SORL1: variants seen among roughly 807,000 people sequenced by gnomAD.
The protein encoded by SORL1 is sortilin-related receptor.
SORL1 carries 127 observed loss-of-function variants against 273.7 expected under a neutral mutation model. That is an observed-to-expected ratio of 0.46 (90% CI 0.40 to 0.54). The LOEUF (loss-of-function observed/expected upper bound fraction) is 0.54. Among genes scored for constraint, SORL1 ranks in the 20% least tolerant of loss-of-function variants. The pLI is 0.00. For synonymous variants in SORL1, 1,031 were observed against 1,067.4 expected, an observed-to-expected ratio of 0.97 and a Z score of 0.66; for missense variants, 2,494 against 2,846.1, an observed-to-expected ratio of 0.88 and a Z score of 2.81.
intron 6 of SORL1, among the ~76,000 whole-genome samples, chr11:121,503,471 T>A (rs902579321): frequency 1.3e-5 from 2 of 152,148 alleles, no homozygotes; most frequent in Non-Finnish European, 2.9e-5. Flanking sequence ...TTCTCATAAA[T>A]ATGAGAATTT....
intron 11 of SORL1, among the ~76,000 whole-genome samples, chr11:121,528,074 G>A (rs548549536): frequency 2.0e-5 from 3 of 152,144 alleles, no homozygotes; most frequent in African/African-American, 7.2e-5. Flanking sequence ...AGCATTTAAA[G>A]CTGTAAGTTT....
chr11:121,514,355 T>G, intron 8 of SORL1, 34 bp downstream of exon 8: 2 of 1,583,924 alleles, frequency 1.3e-6, no homozygotes, highest in Non-Finnish European at 1.7e-6. Flanking sequence ...CCTGCCTTCT[T>G]AGGCCAACAC....
At chr11:121,545,600 G>T (rs953199432) in intron 14 of SORL1, among the ~76,000 whole-genome samples, 171 bp downstream of exon 14, 13 of 152,212 alleles carry the variant, frequency 8.5e-5, no homozygotes, top group Admixed American at 6.5e-4. Flanking sequence ...CATGTTTCAT[G>T]TAAGTTGTTT....
chr11:121,454,644 C>T (rs1860870889), intron 1 of SORL1, among the ~76,000 whole-genome samples: 1 of 152,154 alleles, frequency 6.6e-6, no homozygotes, highest in South Asian at 2.1e-4. Flanking sequence ...TTGCCTCTTG[C>T]TCTGAGGTTA....
chr11:121,607,158 A>G (rs1863489938), intron 36 of SORL1, 28 bp from the exon 37 acceptor site: 9 of 1,398,540 alleles, frequency 6.4e-6, no homozygotes, highest in Admixed American at 1.7e-5. Flanking sequence ...GGTTCCCTTT[A>G]CTCACATTTT....
chr11:121,499,006 A>T (rs1861671949), intron 6 of SORL1, among the ~76,000 whole-genome samples: 1 of 152,192 alleles, frequency 6.6e-6, no homozygotes. Context: ...AAACCTGGCC[A>T]GTGGTAAGAT....
At chr11:121,462,906 A>G (rs1591544107) in intron 1 of SORL1, among the ~76,000 whole-genome samples, 1 of 152,316 alleles carries the variant, frequency 6.6e-6, no homozygotes, top group Non-Finnish European at 1.5e-5. Context: ...AGCATCTGGT[A>G]TATAGTTAGT....
chr11:121,600,458 A>G (rs548886218), intron 32 of SORL1, among the ~76,000 whole-genome samples: 1 of 152,336 alleles, frequency 6.6e-6, no homozygotes, highest in South Asian at 2.1e-4. Flanking sequence ...TTGATCCCAC[A>G]CTCACCAAAA....
rs1217525878 is a variant in SORL1, at chr11:121,618,855, A to G, written c.5686A>G (p.Thr1896Ala). Residue 1896 changes from threonine to alanine, a missense_variant, in exon 42 of 48, where the codon ACG (threonine) becomes GCG (alanine). Physicochemically the swap from Thr to Ala is moderately conservative, Grantham distance 58. Transcript: ENST00000260197. ...KSLTTSLHNKTVIVSKDEQYL... is the reference protein window; with the variant it reads ...KSLTTSLHNKAVIVSKDEQYL... ...CTTGACTACTTCACTCCACAACAAG[A>G]CGGTCATTGTCAGTAAGGATGAGCA... 1.2e-6 allele frequency: 2 copies of G among 1,613,940 alleles called. No homozygotes were observed. The highest frequency in any genetic ancestry group is 1.3e-5 in the African/African-American group (1 of 74,890).
At chr11:121,510,403 G>A (rs1861858951) in intron 6 of SORL1, among the ~76,000 whole-genome samples, 1 of 152,104 alleles carries the variant, frequency 6.6e-6, no homozygotes, top group Non-Finnish European at 1.5e-5. Flanking sequence ...GATGTTCTTG[G>A]GGATCCAGGT....
chr11:121,482,003 C>A (rs1181640645), intron 3 of SORL1, among the ~76,000 whole-genome samples: 7 of 152,204 alleles, frequency 4.6e-5, no homozygotes, highest in African/African-American at 1.7e-4. Context: ...TCTCTTCTTC[C>A]CCAGCTTCTT....
chr11:121,590,201 GC>G lies in SORL1; in HGVS notation c.4213+31del, dbSNP rs749606703. ...TAAGAGGCCCCTGGGGCCTGGGTTA[GC>G]CCCATAACCAAGACACACCAGAATA... On this transcript the variant is annotated intron_variant, in intron 30 of 47. Transcript: ENST00000260197. The G allele has an allele frequency of 7.4e-6, 12 of 1,611,406 alleles. No homozygotes were observed. In the East Asian group the frequency reaches 2.7e-4, roughly 36 times the overall value.
At chr11:121,561,641 G>A (rs571186585) in intron 21 of SORL1, among the ~76,000 whole-genome samples, 13 of 146,268 alleles carry the variant, frequency 8.9e-5, no homozygotes, top group African/African-American at 3.1e-4. Flanking sequence ...GTTAGCCAAG[G>A]TCGTGCTGCT....
rs529809922 is a variant in SORL1 at position 121,452,723 on chromosome 11, G to A, written c.285+107G>A. 24 of 994,970 alleles carry A rather than the reference G, an allele frequency of 2.4e-5. No homozygotes were observed. The Admixed American group carries it at 9.2e-4, about 38-fold the overall frequency. 61.6% of individuals were successfully genotyped at this position (994,970 alleles called of 1,614,324 possible). ...GCCTCCTAGGTGCAGGCACCACTGG[G>A]GACTTCCCGGCTTGCATTTGTTTTT... On this transcript the variant is annotated intron_variant, in intron 1 of 47. Coordinates refer to ENST00000260197, the MANE Select transcript of SORL1 (RefSeq NM_003105.6). The surrounding 1 kb of genome is among the most constrained non-coding windows in gnomAD (Gnocchi z 5.3).
At chr11:121,524,019 C>T (rs185279895) in intron 11 of SORL1, among the ~76,000 whole-genome samples, 1 of 152,346 alleles carries the variant, frequency 6.6e-6, no homozygotes, top group African/African-American at 2.4e-5. Context: ...CTTCCCATCC[C>T]TCCCGAGGAG....
rs1370928569 is a variant in SORL1 at position 121,595,505 on chromosome 11, C to T, written c.4370-118C>T. ...CTCTCTATCCGGAACTCGCATTTGTCTTCAGGTTCCCATTGTAATTTCTAA... is the reference window on the plus strand; with the variant it reads ...CTCTCTATCCGGAACTCGCATTTGTTTTCAGGTTCCCATTGTAATTTCTAA... On this transcript the variant is annotated intron_variant, in intron 31 of 47. Coordinates refer to ENST00000260197, the MANE Select transcript of SORL1 (RefSeq NM_003105.6). This position sits in a 1 kb window ranked among gnomAD's most constrained non-coding sequence, Gnocchi z 5.1. 6 of 927,546 alleles carry T rather than the reference C, an allele frequency of 6.5e-6. No homozygotes were observed. Among genetic ancestry groups the T allele is most frequent in the Non-Finnish European group, 8.3e-6 (5 of 605,128 alleles). The allele number at this position is 927,546 out of a possible 1,614,324, so 57.5% of individuals were successfully genotyped here.
intron 30 of SORL1, 74 bp downstream of exon 30, chr11:121,590,248 T>A (rs1300903993): frequency 6.9e-7 from 1 of 1,447,572 alleles, no homozygotes; most frequent in African/African-American, 1.4e-5. Flanking sequence ...CTATGCAGGA[T>A]GTGCCTGGCT....
chr11:121,577,113 A>G, intron 24 of SORL1, 168 bp from the exon 25 acceptor site: 2 of 1,093,884 alleles, frequency 1.8e-6, no homozygotes, highest in South Asian at 2.8e-5. Flanking sequence ...ACTGACTGGA[A>G]GCTGTTAAAT....
At chr11:121,566,063 C>A (rs1341544699) in intron 21 of SORL1, among the ~76,000 whole-genome samples, 2 of 152,112 alleles carry the variant, frequency 1.3e-5, no homozygotes, top group Non-Finnish European at 2.9e-5. Context: ...CTGGGCCCAC[C>A]ATTAACCAGG....
Sources: allele counts gnomAD v4.1 joint callset (sites outside exome capture counted in the v4.1 genomes callset), GRCh38; gene constraint gnomAD v4.1.1; non-coding constraint Gnocchi (gnomAD v3.1); transcripts MANE v1.5; gene names NCBI Gene and HGNC (gene_info 2026-07-23, HGNC 2026-07-21).